Variants in CNTNAP5 observed in about 807,000 individuals in gnomAD.
CNTNAP5 encodes contactin associated protein family member 5.
CNTNAP5 carries 72 observed loss-of-function variants against 150.2 expected under a neutral mutation model. The ratio of observed to expected loss-of-function variants is 0.48; its 90% CI spans 0.40 to 0.58. CNTNAP5 has a LOEUF of 0.58. Among genes scored for constraint, CNTNAP5 ranks in the 20% least tolerant of loss-of-function variants. The pLI is 0.00. For missense variants in CNTNAP5, 1,636 were observed against 1,626.2 expected (o/e 1.01, Z -0.10); for synonymous variants, 672 against 619.8 (o/e 1.08, Z -1.25).
intron 13 of CNTNAP5, among the ~76,000 whole-genome samples, chr2:124,711,023 C>T (rs34095323): frequency 1.3e-5 from 2 of 151,856 alleles, no homozygotes; most frequent in African/African-American, 2.4e-5. Flanking sequence ...CTGTAATCCC[C>T]GCACTTTGGG....
At chr2:124,730,833 C>A (rs764287912) in intron 13 of CNTNAP5, among the ~76,000 whole-genome samples, 3 of 151,870 alleles carry the variant, frequency 2.0e-5, no homozygotes, top group East Asian at 1.9e-4. Flanking sequence ...TTGTTATATA[C>A]CCTGTAAATA....
At chr2:124,551,239 G>T (rs954290345) in intron 10 of CNTNAP5, among the ~76,000 whole-genome samples, 2 of 152,066 alleles carry the variant, frequency 1.3e-5, no homozygotes, top group African/African-American at 2.4e-5. Context: ...AACAATCTGC[G>T]ATTGACTCCC....
At chr2:124,677,268 G>A (rs1445991262) in intron 13 of CNTNAP5, among the ~76,000 whole-genome samples, 3 of 152,168 alleles carry the variant, frequency 2.0e-5, no homozygotes, top group Non-Finnish European at 1.5e-5. Context: ...CTCCCAGTGG[G>A]TTCATGGTCT....
intron 3 of CNTNAP5, among the ~76,000 whole-genome samples, chr2:124,379,858 G>A (rs1317725287): frequency 1.3e-5 from 2 of 152,068 alleles, no homozygotes; most frequent in African/African-American, 4.8e-5. Context: ...AATACTGTAA[G>A]TTTATTCAAG....
chr2:124,327,330 G>A (rs933005541), intron 3 of CNTNAP5, among the ~76,000 whole-genome samples: 12 of 152,144 alleles, frequency 7.9e-5, no homozygotes, highest in African/African-American at 2.4e-4. Context: ...AAAGAAACAA[G>A]CATTATACAA....
At chr2:124,830,099 A>T (rs900591081) in intron 19 of CNTNAP5, among the ~76,000 whole-genome samples, 2 of 151,858 alleles carry the variant, frequency 1.3e-5, no homozygotes, top group Non-Finnish European at 2.9e-5. Flanking sequence ...GAGGATCTAG[A>T]TTATTTATCA....
chr2:124,849,623 G>A (rs980676609), intron 19 of CNTNAP5, among the ~76,000 whole-genome samples: 3 of 152,154 alleles, frequency 2.0e-5, no homozygotes, highest in African/African-American at 7.2e-5. Flanking sequence ...TCATTTGGGG[G>A]TGGTATGGAC....
At chr2:124,079,733 G>A (rs541094783) in intron 1 of CNTNAP5, among the ~76,000 whole-genome samples, 2 of 152,302 alleles carry the variant, frequency 1.3e-5, no homozygotes, top group African/African-American at 2.4e-5. Flanking sequence ...ATGTATACGT[G>A]TGTGTGTGCT....
intron 1 of CNTNAP5, among the ~76,000 whole-genome samples, chr2:124,027,496 T>A (rs540380499): frequency 6.6e-6 from 1 of 152,240 alleles, no homozygotes; most frequent in Admixed American, 6.5e-5. Context: ...GACTTTCTAA[T>A]GCAACACCTT....
chr2:124,302,692 G>T (rs772364459), intron 3 of CNTNAP5, among the ~76,000 whole-genome samples: 1 of 152,130 alleles, frequency 6.6e-6, no homozygotes, highest in Non-Finnish European at 1.5e-5. Flanking sequence ...CTGGGGATTA[G>T]GTTTCCAACA....
At chr2:124,522,693 T>TCCTGAG (rs1553475818) in intron 8 of CNTNAP5, among the ~76,000 whole-genome samples, 3,223 of 126,852 alleles carry the variant, frequency 0.025, 117 homozygotes, top group African/African-American at 0.081. Context: ...TTTAAAGTCC[T>TCCTGAG]CCTGGTATGT....
chr2:124,806,939 G>A (rs1682094523), intron 19 of CNTNAP5, among the ~76,000 whole-genome samples: 1 of 150,862 alleles, frequency 6.6e-6, no homozygotes, highest in Non-Finnish European at 1.5e-5. Flanking sequence ...TTAAGCCAGG[G>A]ATAAAGAAAA....
chr2:124,692,126 C>A (rs1486267957), intron 13 of CNTNAP5, among the ~76,000 whole-genome samples: 2 of 152,072 alleles, frequency 1.3e-5, no homozygotes, highest in Non-Finnish European at 2.9e-5. Context: ...AGTTGAGGTG[C>A]CAGACACATG....
chr2:124,053,730 A>G (rs1681771575), intron 1 of CNTNAP5, among the ~76,000 whole-genome samples: 1 of 152,216 alleles, frequency 6.6e-6, no homozygotes, highest in African/African-American at 2.4e-5. Flanking sequence ...TTCTGTTTGA[A>G]AGCTTGCTCA....
At chr2:124,441,264 C>T (rs1692665809) in intron 5 of CNTNAP5, among the ~76,000 whole-genome samples, 2 of 151,974 alleles carry the variant, frequency 1.3e-5, no homozygotes, top group South Asian at 2.1e-4. Flanking sequence ...AATAATTACA[C>T]GTCAGTGATA....
At chr2:124,234,446 A>G (rs1686698508) in intron 2 of CNTNAP5, among the ~76,000 whole-genome samples, 1 of 152,230 alleles carries the variant, frequency 6.6e-6, no homozygotes, top group Non-Finnish European at 1.5e-5. Flanking sequence ...AAGAAATTCA[A>G]TTTTTAATTT....
intron 16 of CNTNAP5, among the ~76,000 whole-genome samples, chr2:124,770,239 G>C (rs151101775): frequency 6.6e-6 from 1 of 152,184 alleles, no homozygotes; most frequent in African/African-American, 2.4e-5. Flanking sequence ...CTAGGTGCTG[G>C]GTATACGATA....
intron 13 of CNTNAP5, among the ~76,000 whole-genome samples, chr2:124,734,163 A>C (rs1680332410): frequency 6.6e-6 from 1 of 152,112 alleles, no homozygotes; most frequent in South Asian, 2.1e-4. Flanking sequence ...AGGACAGAGA[A>C]AAACACCCCA....
At chr2:124,580,151 A>G (rs11901957) in intron 11 of CNTNAP5, among the ~76,000 whole-genome samples, 1,937 of 152,326 alleles carry the variant, frequency 0.013, 38 homozygotes, top group African/African-American at 0.044. Flanking sequence ...AAGACTAAAT[A>G]AGTACATTGA....
Sources: allele counts gnomAD v4.1 joint callset (sites outside exome capture counted in the v4.1 genomes callset), GRCh38; gene constraint gnomAD v4.1.1; transcripts MANE v1.5; gene names NCBI Gene and HGNC (gene_info 2026-07-23, HGNC 2026-07-21).